Variants in COLEC12 observed in about 807,000 individuals in gnomAD.
COLEC12 encodes collectin subfamily member 12.
A neutral mutation model predicts 71.1 loss-of-function variants in COLEC12; 33 were observed. The observed-to-expected ratio is 0.46, with a 90% CI of 0.35 to 0.62. COLEC12 has a LOEUF of 0.62. Among genes scored for constraint, COLEC12 ranks in the 20% least tolerant of loss-of-function variants. COLEC12 has a pLI of 0.00. For synonymous variants in COLEC12, 350 were observed against 353.0 expected (o/e 0.99, Z 0.10); for missense variants, 765 against 916.1 (o/e 0.84, Z 2.13).
rs1314390758 is a variant in COLEC12 at position 317,942 on chromosome 18, G to T, written c.*2103C>A. Reference sequence around the variant, plus strand: ...GTGGGCAAAGCAGTACAGTCCACTTGTTCGCAGGTGGGAAAGTCAAACTCT... The same window carrying T: ...GTGGGCAAAGCAGTACAGTCCACTTTTTCGCAGGTGGGAAAGTCAAACTCT... On this transcript the variant is annotated 3_prime_UTR_variant, in exon 10 of 10. Transcript: ENST00000400256. The T allele has an allele frequency of 1.3e-5, 2 of 151,974 alleles. No individual in the cohort carries two copies. The highest frequency in any genetic ancestry group is 4.8e-5 in the African/African-American group (2 of 41,358). The allele number at this position is 151,974 out of a possible 1,614,324, so 9.4% of individuals were successfully genotyped here.
intron 6 of COLEC12, chr18:333,624 A>G (rs1914035091): frequency 6.5e-6 from 1 of 152,838 alleles, no homozygotes; most frequent in African/African-American, 2.4e-5. Flanking sequence ...TTGCTAACCA[A>G]ACATTCGAGT....
intron 2 of COLEC12, among the ~76,000 whole-genome samples, chr18:397,509 T>A (rs1219264403): frequency 6.6e-6 from 1 of 152,214 alleles, no homozygotes; most frequent in African/African-American, 2.4e-5. Context: ...TTTTGTTTCT[T>A]TGTTTTGGCC....
At chr18:370,698 A>ACCACACAACGGGATC (rs1417486295) in intron 2 of COLEC12, among the ~76,000 whole-genome samples, 2 of 152,120 alleles carry the variant, frequency 1.3e-5, no homozygotes, top group African/African-American at 4.8e-5. Flanking sequence ...TGAGAGGTCC[A>ACCACACAACGGGATC]CCACACAACG....
intron 2 of COLEC12, among the ~76,000 whole-genome samples, chr18:382,950 T>C (rs1046131672): frequency 2.6e-5 from 4 of 152,312 alleles, no homozygotes; most frequent in South Asian, 4.1e-4. Flanking sequence ...GTTGTGATCA[T>C]TCAGAATCCT....
rs191124173 is a variant in COLEC12, at chr18:433,032, T to C, written c.58+47675A>G. Among the ~76,000 whole-genome samples, 240 of 152,294 alleles carry C rather than the reference T, an allele frequency of 1.6e-3. 1 individual carries two copies. Among genetic ancestry groups the C allele is most frequent in the Non-Finnish European group, 1.0e-3 (71 of 68,030 alleles). Reference sequence around the variant, plus strand: ...TAATTTTGCACAGTGTGATGATTGTTAGGAAGGAAATACATTGGATTACAG... The same window carrying C: ...TAATTTTGCACAGTGTGATGATTGTCAGGAAGGAAATACATTGGATTACAG... On this transcript the variant is annotated intron_variant, in intron 2 of 9. Coordinates refer to ENST00000400256, the MANE Select transcript of COLEC12 (RefSeq NM_130386.3).
chr18:482,697 C>T (rs1433998540), intron 1 of COLEC12, among the ~76,000 whole-genome samples: 1 of 151,888 alleles, frequency 6.6e-6, no homozygotes, highest in Non-Finnish European at 1.5e-5. Flanking sequence ...CTGCAACCTC[C>T]GCCTCCTGGG....
intron 2 of COLEC12, among the ~76,000 whole-genome samples, chr18:434,696 T>C (rs190984015): frequency 1.2e-3 from 186 of 152,362 alleles, no homozygotes; most frequent in African/African-American, 4.3e-3. Flanking sequence ...TCCCTGGTCA[T>C]AGTGCCATCA....
chr18:498,294 G>A (rs998164212), intron 1 of COLEC12, among the ~76,000 whole-genome samples: 3 of 151,168 alleles, frequency 2.0e-5, no homozygotes, highest in African/African-American at 7.3e-5. Flanking sequence ...CCACCACTCA[G>A]ACAAATGTAA....
In COLEC12 at chr18:333,120, A is replaced by G; in HGVS notation, c.1840T>C (p.Phe614Leu). 1 of 1,608,232 alleles carries G rather than the reference A, an allele frequency of 6.2e-7. No individual in the cohort carries two copies. Among genetic ancestry groups the G allele is most frequent in the Non-Finnish European group, 8.5e-7 (1 of 1,178,336 alleles). The change falls in exon 7 of 10, where the codon TTC becomes CTC. Residue 614 changes from phenylalanine to leucine, a missense_variant. Phe to Leu is a conservative substitution (Grantham distance 22). Coordinates refer to ENST00000400256, the MANE Select transcript of COLEC12 (RefSeq NM_130386.3). Reference sequence around the variant, plus strand: ...GAAAAATAGTAGCATTTGTCTGTGAAGTTCTTCCAGTGAGGCGGGCAGCCT... The same window carrying G: ...GAAAAATAGTAGCATTTGTCTGTGAGGTTCTTCCAGTGAGGCGGGCAGCCT... ...DNGCPPHWKN[F>L]TDKCYYFSVE...
chr18:348,912 C>A (rs955345735), intron 3 of COLEC12, among the ~76,000 whole-genome samples: 12 of 152,132 alleles, frequency 7.9e-5, no homozygotes, highest in African/African-American at 2.9e-4. Context: ...GAATTATACT[C>A]CCCTAATTCC....
At chr18:494,856 C>T (rs771430871) in intron 1 of COLEC12, among the ~76,000 whole-genome samples, 30 of 152,212 alleles carry the variant, frequency 2.0e-4, no homozygotes, top group African/African-American at 5.1e-4. Context: ...TAATACCTCA[C>T]GTGATACTGA....
At chr18:341,492 T>C (rs1356495901) in intron 5 of COLEC12, among the ~76,000 whole-genome samples, 1 of 152,220 alleles carries the variant, frequency 6.6e-6, no homozygotes, top group East Asian at 1.9e-4. Context: ...TGGGGTCTGA[T>C]TCATCTCTAA....
chr18:443,513 G>A (rs1916585023), intron 2 of COLEC12, among the ~76,000 whole-genome samples: 1 of 152,222 alleles, frequency 6.6e-6, no homozygotes. Context: ...GTGGTTGTCT[G>A]TTCAGGTTTT....
intron 9 of COLEC12, 49 bp from the exon 10 acceptor site, chr18:320,113 G>A (rs1913667763): frequency 1.8e-6 from 2 of 1,086,716 alleles, no homozygotes; most frequent in African/African-American, 3.2e-5. Flanking sequence ...AAATAATAAA[G>A]TTAATGTGCA....
intron 2 of COLEC12, among the ~76,000 whole-genome samples, chr18:464,092 G>T (rs868088707): frequency 2.0e-5 from 3 of 152,044 alleles, no homozygotes; most frequent in Non-Finnish European, 4.4e-5. Flanking sequence ...CTAGAGGCCC[G>T]CACTGCTGCT....
intron 8 of COLEC12, among the ~76,000 whole-genome samples, chr18:326,157 C>A (rs1196114467): frequency 6.6e-6 from 1 of 152,162 alleles, no homozygotes; most frequent in Non-Finnish European, 1.5e-5. Context: ...TTAGCTGCAT[C>A]CCACAGATCT....
intron 2 of COLEC12, among the ~76,000 whole-genome samples, chr18:457,068 CAAGGA>C (rs1232503162): frequency 6.6e-6 from 1 of 152,186 alleles, no homozygotes; most frequent in Non-Finnish European, 1.5e-5. Context: ...TTTCTCTTGG[CAAGGA>C]TCAGTGCAGC....
chr18:420,097 G>A lies in COLEC12; in HGVS notation c.58+60610C>T, dbSNP rs984755386. Among the ~76,000 whole-genome samples, 27 of 152,154 alleles carry A rather than the reference G, an allele frequency of 1.8e-4. 1 individual carries two copies. Among genetic ancestry groups the A allele is most frequent in the Admixed American group, 1.8e-3 (27 of 15,266 alleles). On this transcript the variant is annotated intron_variant, in intron 2 of 9. Coordinates refer to ENST00000400256, the MANE Select transcript of COLEC12 (RefSeq NM_130386.3). ...GCCTGGCATGCCGGCTGAGACCCTGGATTGTGGCGCAGAGGAGAGTTGTGT... is the reference window on the plus strand; with the variant it reads ...GCCTGGCATGCCGGCTGAGACCCTGAATTGTGGCGCAGAGGAGAGTTGTGT...
At chr18:433,925 C>CT (rs1203986828) in intron 2 of COLEC12, among the ~76,000 whole-genome samples, 5 of 148,252 alleles carry the variant, frequency 3.4e-5, no homozygotes, top group African/African-American at 1.2e-4. Flanking sequence ...GAATGCACCA[C>CT]TGCACCCCAG....
Sources: allele counts gnomAD v4.1 joint callset (sites outside exome capture counted in the v4.1 genomes callset), GRCh38; gene constraint gnomAD v4.1.1; transcripts MANE v1.5; gene names NCBI Gene and HGNC (gene_info 2026-07-23, HGNC 2026-07-21).